The following WWOX variants were observed in gnomAD, a reference collection of about 807,000 sequenced individuals.
WWOX encodes the protein WW domain containing oxidoreductase, also known as WW domain-containing oxidoreductase.
Under a neutral mutation model 46.2 loss-of-function variants are expected in WWOX, and 69 were observed. The ratio of observed to expected loss-of-function variants is 1.49; its 90% CI spans 1.23 to 1.82. The LOEUF is 1.82. Ranked by LOEUF, WWOX falls within the 40% of genes most tolerant of loss-of-function variation. WWOX has a pLI of 0.00. For synonymous variants in WWOX, 359 were observed against 202.6 expected, an observed-to-expected ratio of 1.77 and a Z score of -6.56; for missense variants, 919 against 542.6, an observed-to-expected ratio of 1.69 and a Z score of -6.89.
chr16:78,420,137 A>T (rs899558281), intron 6 of WWOX, among the ~76,000 whole-genome samples: 5 of 152,186 alleles, frequency 3.3e-5, no homozygotes, highest in African/African-American at 1.2e-4. Context: ...AAACACATGG[A>T]GAGATGAAAG....
intron 8 of WWOX, among the ~76,000 whole-genome samples, chr16:78,936,380 C>G (rs1264942216): frequency 2.0e-5 from 3 of 152,098 alleles, no homozygotes; most frequent in African/African-American, 7.2e-5. Context: ...CCAAAACTAA[C>G]CCAAGCTTTG....
At chr16:78,848,574 C>T (rs1200566811) in intron 8 of WWOX, among the ~76,000 whole-genome samples, 3 of 152,062 alleles carry the variant, frequency 2.0e-5, no homozygotes, top group Admixed American at 2.0e-4. Flanking sequence ...GGGAACCTGG[C>T]CTGGTGTTGG....
chr16:78,416,241 A>C (rs2082795044), intron 6 of WWOX, among the ~76,000 whole-genome samples: 1 of 152,190 alleles, frequency 6.6e-6, no homozygotes, highest in Admixed American at 6.5e-5. Context: ...ATCATCTCAG[A>C]GCCTTTTGAA....
intron 8 of WWOX, among the ~76,000 whole-genome samples, chr16:79,208,221 G>A (rs774237906): frequency 2.0e-5 from 3 of 152,064 alleles, no homozygotes; most frequent in Admixed American, 6.5e-5. Flanking sequence ...AATGGCATTC[G>A]GGCATGATTA....
At chr16:78,790,176 G>C (rs1276742222) in intron 8 of WWOX, among the ~76,000 whole-genome samples, 1 of 151,842 alleles carries the variant, frequency 6.6e-6, no homozygotes, top group Admixed American at 6.6e-5. Flanking sequence ...TTGCTCTGTT[G>C]CCCGGGCTGG....
chr16:79,113,417 G>A (rs1478131737), intron 8 of WWOX, among the ~76,000 whole-genome samples: 3 of 152,236 alleles, frequency 2.0e-5, no homozygotes, highest in African/African-American at 7.2e-5. Context: ...GTTGAGGACT[G>A]CTCTCAGGAC....
chr16:78,503,110 G>A (rs1458676950), intron 8 of WWOX, among the ~76,000 whole-genome samples: 1 of 152,042 alleles, frequency 6.6e-6, no homozygotes, highest in Admixed American at 6.6e-5. Flanking sequence ...GATTTATGAG[G>A]CCTAACTCGC....
At chr16:78,942,592 G>A (rs142262107) in intron 8 of WWOX, among the ~76,000 whole-genome samples, 4 of 143,030 alleles carry the variant, frequency 2.8e-5, no homozygotes, top group African/African-American at 8.8e-5. Flanking sequence ...CAAGGAGAGC[G>A]TTACATTTTA....
chr16:78,197,144 T>C (rs986141189), intron 5 of WWOX, among the ~76,000 whole-genome samples: 5 of 152,190 alleles, frequency 3.3e-5, no homozygotes, highest in African/African-American at 9.6e-5. Flanking sequence ...CCATCTGTGA[T>C]ATCAGATCCT....
At chr16:78,374,765 T>C (rs1158873851) in intron 5 of WWOX, among the ~76,000 whole-genome samples, 4 of 152,026 alleles carry the variant, frequency 2.6e-5, no homozygotes, top group Non-Finnish European at 5.9e-5. Flanking sequence ...TTAGCCAGGA[T>C]GGTCTTGATC....
intron 8 of WWOX, chr16:78,891,419 A>G (rs1289431874): frequency 6.6e-6 from 1 of 152,188 alleles, no homozygotes; most frequent in African/African-American, 2.4e-5. Flanking sequence ...TAAAAAGGTG[A>G]TCTCACTAAA....
intron 4 of WWOX, among the ~76,000 whole-genome samples, chr16:78,155,009 C>T (rs1289152806): frequency 6.6e-6 from 1 of 152,186 alleles, no homozygotes; most frequent in Non-Finnish European, 1.5e-5. Flanking sequence ...CCAAACCCCA[C>T]CTCTAGCTGA....
intron 8 of WWOX, among the ~76,000 whole-genome samples, chr16:78,617,495 A>G (rs889899893): frequency 6.6e-6 from 1 of 152,020 alleles, no homozygotes; most frequent in Non-Finnish European, 1.5e-5. Context: ...TGCTCAGTGC[A>G]GTGACTTTGC....
chr16:78,606,593 G>A (rs115708240), intron 8 of WWOX, among the ~76,000 whole-genome samples: 2,314 of 152,008 alleles, frequency 0.015, 60 homozygotes, highest in African/African-American at 0.053. Flanking sequence ...GCCACATTCC[G>A]CAGGAATAAG....
intron 8 of WWOX, among the ~76,000 whole-genome samples, chr16:78,581,075 A>G (rs9939269): frequency 0.24 from 35,999 of 151,992 alleles, 4,737 homozygotes; most frequent in African/African-American, 0.34. Flanking sequence ...TTTTTTTTTT[A>G]ATCTAAGAGC....
At position 78,831,795 on chromosome 16, in the gene WWOX, G is replaced by T. The variant is rs141609936; in HGVS notation, c.1057-379813G>T. ...TATGACCTCCAGAAGCTTTTACTGAGCATCTATCTGTAGCACTGCATGTCA... is the reference window on the plus strand; with the variant it reads ...TATGACCTCCAGAAGCTTTTACTGATCATCTATCTGTAGCACTGCATGTCA... On this transcript the variant is annotated intron_variant, in intron 8 of 8. Coordinates refer to ENST00000566780, the MANE Select transcript of WWOX (RefSeq NM_016373.4). Among the ~76,000 whole-genome samples, 524 of 152,308 alleles carry T rather than the reference G, an allele frequency of 3.4e-3. 6 individuals are homozygous for T. The highest frequency in any genetic ancestry group is 0.029 in the Admixed American group (446 of 15,306).
At chr16:78,821,935 T>C (rs2151144886) in intron 8 of WWOX, among the ~76,000 whole-genome samples, 1 of 152,308 alleles carries the variant, frequency 6.6e-6, no homozygotes, top group South Asian at 2.1e-4. Context: ...GCTAGAGTGC[T>C]GTGGCATCTT....
chr16:79,025,116 C>CTTGTTTTGTT lies in WWOX; in HGVS notation c.1057-186473_1057-186464dup, dbSNP rs200030802. Among the ~76,000 whole-genome samples the CTTGTTTTGTT allele has an allele frequency of 6.7e-3, 646 of 96,722 alleles. 8 individuals carry two copies. Among genetic ancestry groups the CTTGTTTTGTT allele is most frequent in the African/African-American group, 0.022 (608 of 27,732 alleles). 63.5% of individuals were successfully genotyped at this position (96,722 alleles called of 152,430 possible). A position where few individuals can be genotyped will look rare whatever the true frequency, so the allele number is the denominator to read the frequency against. ...AGCAGTGAAGAGTCAGGAAGGTGGG[C>CTTGTTTTGTT]TTGTTTTGTTTTGTTTTGTTTTGTT... On this transcript the variant is annotated intron_variant, in intron 8 of 8. Coordinates refer to ENST00000566780, the MANE Select transcript of WWOX (RefSeq NM_016373.4).
At chr16:79,204,410 T>C (rs2051441315) in intron 8 of WWOX, 1 of 152,160 alleles carries the variant, frequency 6.6e-6, no homozygotes, top group South Asian at 2.1e-4. Context: ...CTTCCCTCGT[T>C]AGGAGTACCC....
Sources: gnomAD v4.1 joint callset for allele counts (sites outside exome capture counted in the v4.1 genomes callset) on GRCh38, gnomAD v4.1.1 for gene constraint, MANE v1.5 for transcripts, NCBI Gene and HGNC (gene_info 2026-07-23, HGNC 2026-07-21) for gene names.